Variants in GPHN observed in about 807,000 individuals in gnomAD.
The protein encoded by GPHN is gephyrin.
Under a neutral mutation model 95.5 loss-of-function variants are expected in GPHN, and 17 were observed. That is an observed-to-expected ratio of 0.18 (90% CI 0.12 to 0.27). GPHN has a LOEUF of 0.27. Among genes scored for constraint, GPHN ranks in the 10% least tolerant of loss-of-function variants. GPHN has a pLI of 1.00. For missense variants in GPHN, 660 were observed against 978.1 expected, an observed-to-expected ratio of 0.67 and a Z score of 4.34; for synonymous variants, 320 against 322.5, an observed-to-expected ratio of 0.99 and a Z score of 0.08.
At chr14:67,649,524 A>G in the GPHN span, 1 of 152,152 alleles carries the variant, frequency 6.6e-6, no homozygotes. Context: ...ATATATTTCT[A>G]ATAGTGCAAA....
intron 1 of GPHN, among the ~76,000 whole-genome samples, chr14:66,616,230 C>A (rs1412952133): frequency 1.0e-5 from 1 of 100,354 alleles, no homozygotes; most frequent in East Asian, 3.9e-4. Context: ...TTTTCTAATT[C>A]TATGAAGAAT....
chr14:67,324,561 TG>T, the GPHN span, among the ~76,000 whole-genome samples: 4 of 151,730 alleles, frequency 2.6e-5, no homozygotes, highest in South Asian at 6.2e-4. Context: ...TTCTTTTGAT[TG>T]TTTTTTTTGT....
the GPHN span, chr14:67,387,108 C>T: frequency 1.7e-4 from 66 of 388,026 alleles, no homozygotes; most frequent in Non-Finnish European, 2.6e-4. Context: ...AAGATGCTGA[C>T]GCCTAATGGC....
At chr14:67,186,589 A>G (rs1726833838), downstream of GPHN, among the ~76,000 whole-genome samples, 1 of 152,186 alleles carries the variant, frequency 6.6e-6, no homozygotes, top group African/African-American at 2.4e-5. Flanking sequence ...GCCAGGACTC[A>G]GCCCTCTGAC....
At chr14:67,592,595 G>T in the GPHN span, 1 of 1,170,992 alleles carries the variant, frequency 8.5e-7, no homozygotes. Flanking sequence ...TGAAAAGGTT[G>T]AGGAGTAATT....
At chr14:67,345,771 C>A in the GPHN span, 6 of 1,609,388 alleles carry the variant, frequency 3.7e-6, no homozygotes, top group Admixed American at 1.0e-4. Flanking sequence ...TACTTACCTG[C>A]AGAGAAGCTA....
chr14:67,299,941 C>A, the GPHN span, among the ~76,000 whole-genome samples: 2 of 152,174 alleles, frequency 1.3e-5, no homozygotes, highest in African/African-American at 4.8e-5. Context: ...CTACAAATTT[C>A]ATTTAAAATT....
intron 2 of GPHN, among the ~76,000 whole-genome samples, chr14:66,754,051 T>C (rs2058470428): frequency 1.3e-5 from 2 of 152,244 alleles, no homozygotes; most frequent in Admixed American, 1.3e-4. Flanking sequence ...TAGTTCTTTT[T>C]TATTTCTGGA....
chr14:66,953,760 C>T (rs532774054), intron 8 of GPHN, among the ~76,000 whole-genome samples: 5 of 152,284 alleles, frequency 3.3e-5, no homozygotes, highest in Admixed American at 6.5e-5. Context: ...TAGCCTGACA[C>T]GGTGGCTCAC....
chr14:67,203,718 G>A, the GPHN span, among the ~76,000 whole-genome samples: 3 of 151,990 alleles, frequency 2.0e-5, no homozygotes, highest in East Asian at 1.9e-4. Flanking sequence ...ACATTCTGAC[G>A]TGTTTTGTTT....
the GPHN span, chr14:67,383,398 A>C: frequency 1.9e-6 from 3 of 1,613,662 alleles, no homozygotes; most frequent in African/African-American, 1.3e-5. Context: ...AAGTGGATGG[A>C]GATGATGATG....
chr14:67,057,161 A>G (rs914159161), intron 10 of GPHN, among the ~76,000 whole-genome samples: 2 of 152,210 alleles, frequency 1.3e-5, no homozygotes, highest in Admixed American at 6.5e-5. Context: ...GCTTAAGTGC[A>G]GCCAGAGTGG....
the GPHN span, chr14:67,364,400 TATA>T: frequency 5.5e-6 from 1 of 181,200 alleles, no homozygotes; most frequent in Non-Finnish European, 1.2e-5. Flanking sequence ...TCTGATTAGT[TATA>T]ATAGTGATGC....
At chr14:66,970,891 G>T (rs956111701) in intron 9 of GPHN, among the ~76,000 whole-genome samples, 1 of 152,160 alleles carries the variant, frequency 6.6e-6, no homozygotes, top group African/African-American at 2.4e-5. Context: ...CATCTGGGGG[G>T]TGTTGAGCAA....
At chr14:67,204,442 A>AAAAC in the GPHN span, 1 of 1,399,344 alleles carries the variant, frequency 7.1e-7, no homozygotes, top group East Asian at 2.6e-5. Flanking sequence ...AACTTGTCTC[A>AAAAC]AAACAAACAA....
chr14:67,353,126 C>G, the GPHN span: 1 of 1,011,956 alleles, frequency 9.9e-7, no homozygotes, highest in Non-Finnish European at 1.5e-6. Context: ...TAAAATTATC[C>G]TTTATCCTTT....
chr14:67,095,966 C>CAAAAAAAA, intron 12 of GPHN, among the ~76,000 whole-genome samples: 18 of 67,092 alleles, frequency 2.7e-4, no homozygotes, highest in Non-Finnish European at 5.7e-4. Flanking sequence ...AAGAAAAAGG[C>CAAAAAAAA]AAAAAAAAAA....
At chr14:67,552,453 TCA>T in the GPHN span, among the ~76,000 whole-genome samples, 1 of 152,210 alleles carries the variant, frequency 6.6e-6, no homozygotes, top group Non-Finnish European at 1.5e-5. Flanking sequence ...GCTTTGAGTG[TCA>T]AGTGTCCTTG....
chr14:67,587,132 ACC>A, the GPHN span: 1 of 1,613,208 alleles, frequency 6.2e-7, no homozygotes, highest in Non-Finnish European at 8.5e-7. Context: ...ACAACTGTGA[ACC>A]CCCCCACCAA....
Sources: gnomAD v4.1 joint callset for allele counts (sites outside exome capture counted in the v4.1 genomes callset) on GRCh38, gnomAD v4.1.1 for gene constraint, MANE v1.5 for transcripts, NCBI Gene and HGNC (gene_info 2026-07-23, HGNC 2026-07-21) for gene names.